The following WWOX variants were observed in gnomAD, a reference collection of about 807,000 sequenced individuals.
The protein encoded by WWOX is WW domain containing oxidoreductase.
Under a neutral mutation model 46.2 loss-of-function variants are expected in WWOX, and 69 were observed. That is an observed-to-expected ratio of 1.49 (90% confidence interval 1.23 to 1.82). WWOX has a LOEUF of 1.82. Among genes scored for constraint, WWOX ranks in the 40% most tolerant of loss-of-function variants. The probability of loss-of-function intolerance (pLI) is 0.00; values close to 1 mark genes in which losing one functional copy is unlikely to be tolerated. For missense variants in WWOX, 919 were observed against 542.6 expected (o/e 1.69, Z -6.89); for synonymous variants, 359 against 202.6 (o/e 1.77, Z -6.56).
chr16:79,202,623 C>G (rs1191352012), intron 8 of WWOX: 1 of 152,188 alleles, frequency 6.6e-6, no homozygotes, highest in African/African-American at 2.4e-5. Flanking sequence ...CCACAACAGT[C>G]TAGGAAGAAA....
At chr16:78,425,657 G>T (rs1481692753) in intron 7 of WWOX, among the ~76,000 whole-genome samples, 2 of 152,070 alleles carry the variant, frequency 1.3e-5, no homozygotes, top group African/African-American at 2.4e-5. Flanking sequence ...AAATTTCCTC[G>T]TATTTTCAGC....
At chr16:78,626,431 G>C (rs1396985357) in intron 8 of WWOX, among the ~76,000 whole-genome samples, 2 of 152,168 alleles carry the variant, frequency 1.3e-5, no homozygotes, top group Non-Finnish European at 2.9e-5. Flanking sequence ...TCTGTAGGAT[G>C]CTCCTGTGTT....
chr16:79,144,219 C>T (rs1311076442), intron 8 of WWOX, among the ~76,000 whole-genome samples: 1 of 152,292 alleles, frequency 6.6e-6, no homozygotes, highest in Non-Finnish European at 1.5e-5. Context: ...TTTTTCACTT[C>T]AGCACACCAG....
At chr16:78,148,514 A>ATT (rs71384366) in intron 4 of WWOX, among the ~76,000 whole-genome samples, 14 of 148,426 alleles carry the variant, frequency 9.4e-5, no homozygotes, top group Admixed American at 2.7e-4. Context: ...GCTCCATTAC[A>ATT]TTTTTTTTTT....
intron 8 of WWOX, among the ~76,000 whole-genome samples, chr16:79,176,072 C>A (rs1218159388): frequency 6.6e-6 from 1 of 152,194 alleles, no homozygotes; most frequent in Admixed American, 6.5e-5. Context: ...GCAGCTGTTA[C>A]AGTTTGAAGT....
chr16:79,089,410 C>T (rs2048912628), intron 8 of WWOX, among the ~76,000 whole-genome samples: 1 of 151,004 alleles, frequency 6.6e-6, no homozygotes, highest in Non-Finnish European at 1.5e-5. Context: ...CGGCTCACTG[C>T]AACCTCCTCC....
At chr16:78,475,434 C>A (rs1318473592) in intron 8 of WWOX, among the ~76,000 whole-genome samples, 2 of 151,996 alleles carry the variant, frequency 1.3e-5, no homozygotes, top group African/African-American at 4.8e-5. Context: ...TAGTTTTTTT[C>A]CCAGAGTTTT....
intron 8 of WWOX, among the ~76,000 whole-genome samples, chr16:78,895,055 C>T (rs947186665): frequency 6.6e-6 from 1 of 152,144 alleles, no homozygotes; most frequent in Non-Finnish European, 1.5e-5. Context: ...CTTGGTAGTA[C>T]GATTAGGAAA....
chr16:78,354,951 G>T (rs554455589), intron 5 of WWOX, among the ~76,000 whole-genome samples: 1 of 152,084 alleles, frequency 6.6e-6, no homozygotes, highest in Admixed American at 6.6e-5. Context: ...GGGCAACATG[G>T]TGAAGCTCTG....
chr16:79,151,317 G>C (rs1251942769), intron 8 of WWOX, among the ~76,000 whole-genome samples: 1 of 152,172 alleles, frequency 6.6e-6, no homozygotes, highest in African/African-American at 2.4e-5. Flanking sequence ...GTGTGCTCCT[G>C]GAGGTCACTA....
At chr16:78,321,062 G>C (rs1446786099) in intron 5 of WWOX, among the ~76,000 whole-genome samples, 1 of 152,000 alleles carries the variant, frequency 6.6e-6, no homozygotes, top group African/African-American at 2.4e-5. Context: ...CTCATACTCA[G>C]TGCTGCTAAA....
chr16:78,967,952 G>A (rs2046393415), intron 8 of WWOX, among the ~76,000 whole-genome samples: 1 of 152,150 alleles, frequency 6.6e-6, no homozygotes, highest in Non-Finnish European at 1.5e-5. Flanking sequence ...CCAGTTCTGT[G>A]TTTATACTTC....
chr16:78,682,846 A>T (rs573313376), intron 8 of WWOX, among the ~76,000 whole-genome samples: 31 of 152,316 alleles, frequency 2.0e-4, no homozygotes, highest in African/African-American at 7.2e-4. Flanking sequence ...GCCTGCTGCA[A>T]ATAGAACAGT....
At chr16:78,728,180 T>C (rs1210874669) in intron 8 of WWOX, among the ~76,000 whole-genome samples, 2 of 147,262 alleles carry the variant, frequency 1.4e-5, no homozygotes, top group East Asian at 4.4e-4. Context: ...TTCTCCTGCC[T>C]CAGCCTCCTG....
chr16:78,432,039 A>G (rs940083103), intron 7 of WWOX, among the ~76,000 whole-genome samples: 2 of 151,940 alleles, frequency 1.3e-5, no homozygotes, highest in South Asian at 2.1e-4. Context: ...TTAAATCACC[A>G]TTGTCAATCT....
intron 8 of WWOX, among the ~76,000 whole-genome samples, chr16:79,057,354 A>T (rs1228252521): frequency 6.6e-6 from 1 of 152,238 alleles, no homozygotes; most frequent in South Asian, 2.1e-4. Context: ...CCCCCAAATT[A>T]TCGAAGAGAA....
At chr16:78,326,314 G>A (rs1354594481) in intron 5 of WWOX, among the ~76,000 whole-genome samples, 2 of 152,134 alleles carry the variant, frequency 1.3e-5, no homozygotes, top group African/African-American at 2.4e-5. Context: ...AACCTAAATT[G>A]CTAAATTGCA....
chr16:78,402,291 G>T (rs1334864628), intron 6 of WWOX, among the ~76,000 whole-genome samples: 1 of 152,036 alleles, frequency 6.6e-6, no homozygotes, highest in South Asian at 2.1e-4. Flanking sequence ...GTTCATTTAT[G>T]TTATTGCAAA....
At chr16:79,092,528 T>C (rs780997159) in intron 8 of WWOX, among the ~76,000 whole-genome samples, 8 of 152,208 alleles carry the variant, frequency 5.3e-5, no homozygotes, top group Non-Finnish European at 8.8e-5. Context: ...TGGAAATGGT[T>C]CTCTGAGTTT....
Sources: gnomAD v4.1 joint callset for allele counts (sites outside exome capture counted in the v4.1 genomes callset) on GRCh38, gnomAD v4.1.1 for gene constraint, MANE v1.5 for transcripts, NCBI Gene and HGNC (gene_info 2026-07-23, HGNC 2026-07-21) for gene names.